The following ZNF280D variants were observed in gnomAD, a reference collection of about 807,000 sequenced individuals.
ZNF280D encodes suppressor of hairy wing homolog 4.
A neutral mutation model predicts 94.7 loss-of-function variants in ZNF280D; 39 were observed. The ratio of observed to expected loss-of-function variants is 0.41; its 90% CI spans 0.32 to 0.54. The LOEUF is 0.54. Ranked by LOEUF, ZNF280D falls within the 20% of genes least tolerant of loss-of-function variation. The pLI is 0.22. For missense variants in ZNF280D, 1,090 were observed against 1,149.3 expected (o/e 0.95, Z 0.75); for synonymous variants, 398 against 377.6 (o/e 1.05, Z -0.63).
At position 56,689,475 on chromosome 15, in the gene ZNF280D, A is replaced by G; in HGVS notation, c.500-5T>C. Reference sequence around the variant, plus strand: ...AAAATGAACTTTCACTCATACCTACAATAATTTAAATAGTGAGAAAAATAT... The same window carrying G: ...AAAATGAACTTTCACTCATACCTACGATAATTTAAATAGTGAGAAAAATAT... On this transcript the variant is annotated splice_region_variant and splice_polypyrimidine_tract_variant and intron_variant, in intron 7 of 21. Coordinates refer to ENST00000267807, the MANE Select transcript of ZNF280D (RefSeq NM_017661.4). 6.8e-7 allele frequency: 1 copy of G among 1,467,206 alleles called. No individual in the cohort carries two copies. Among genetic ancestry groups the G allele is most frequent in the Non-Finnish European group, 9.2e-7 (1 of 1,092,206 alleles). The allele number at this position is 1,467,206 out of a possible 1,614,324, so 90.9% of individuals were successfully genotyped here.
At chr15:56,658,309 A>C in intron 17 of ZNF280D, 115 bp downstream of exon 17, 2 of 730,132 alleles carry the variant, frequency 2.7e-6, no homozygotes, top group Non-Finnish European at 4.5e-6. Flanking sequence ...TAAAACCTAT[A>C]AACACATAAA....
At position 56,669,905 on chromosome 15, in the gene ZNF280D, ATATATATATT is replaced by A. The variant is rs2054623802; in HGVS notation, c.1411-958_1411-949del. On this transcript the variant is annotated intron_variant, in intron 13 of 21. Transcript: ENST00000267807. ...TATATATATTATATATATATATAAT[ATATATATATT>A]ATATATATATTATATATATATTATA... is the stretch of plus-strand genomic sequence containing the variant. Among the ~76,000 whole-genome samples, 3 of 6,254 alleles carry A rather than the reference ATATATATATT, an allele frequency of 4.8e-4. 1 individual carries two copies. The highest frequency in any genetic ancestry group is 1.3e-3 in the African/African-American group (3 of 2,306). The allele number at this position is 6,254 out of a possible 152,430, so 4.1% of individuals were successfully genotyped here.
chr15:56,665,232 G>A (rs1244525536), intron 16 of ZNF280D, among the ~76,000 whole-genome samples: 1 of 152,126 alleles, frequency 6.6e-6, no homozygotes, highest in South Asian at 2.1e-4. Context: ...GAGAAGTCAT[G>A]TGTAATCTGC....
chr15:56,677,393 C>T (rs2055303619), intron 12 of ZNF280D, among the ~76,000 whole-genome samples, 181 bp downstream of exon 12: 1 of 152,166 alleles, frequency 6.6e-6, no homozygotes, highest in Non-Finnish European at 1.5e-5. Context: ...TTGTCCAGTA[C>T]AGAGATAAGC....
In ZNF280D at chr15:56,666,845, T is replaced by C. The variant is rs1201838452; in HGVS notation, c.1687A>G (p.Ser563Gly). ...TAKNPAKSNT[S>G]KPNTVKSNAS... ...TTGGATTTGACTGTATTAGGTTTAC[T>C]TGTATTAGATTTTGCAGGATTTTTA... Residue 563 changes from serine (S) to glycine (G), a missense_variant, in exon 15 of 22, where the codon AGT (serine) becomes GGT (glycine). Physicochemically the swap from Ser to Gly is moderately conservative, Grantham distance 56 (BLOSUM62 0). This residue lies in a region of ZNF280D where 577 missense variants were observed against 568.8 expected (regional missense o/e 1.01). Coordinates refer to ENST00000267807, the MANE Select transcript of ZNF280D (RefSeq NM_017661.4). The C allele has an allele frequency of 1.2e-6, 2 of 1,613,956 alleles. No individual in the cohort carries two copies.
intron 10 of ZNF280D, among the ~76,000 whole-genome samples, chr15:56,680,700 C>A (rs2055559881): frequency 6.6e-6 from 1 of 150,410 alleles, no homozygotes; most frequent in African/African-American, 2.5e-5. Flanking sequence ...TGGTCTGGAA[C>A]TCCTTTGCTA....
chr15:56,667,611 T>C (rs763323287), intron 14 of ZNF280D, among the ~76,000 whole-genome samples: 44 of 152,154 alleles, frequency 2.9e-4, no homozygotes, highest in Non-Finnish European at 6.0e-4. Flanking sequence ...TGGTTGACAA[T>C]GAAAAACACA....
intron 9 of ZNF280D, among the ~76,000 whole-genome samples, chr15:56,682,982 T>C (rs2055736395): frequency 6.6e-6 from 1 of 152,084 alleles, no homozygotes; most frequent in African/African-American, 2.4e-5. Flanking sequence ...GTGGATAATC[T>C]TCTGTCCCAA....
At chr15:56,720,516 C>A (rs1238122912) in intron 1 of ZNF280D, among the ~76,000 whole-genome samples, 1 of 152,160 alleles carries the variant, frequency 6.6e-6, no homozygotes, top group African/African-American at 2.4e-5. Context: ...CTCCATCAAT[C>A]ACAAATGATC....
chr15:56,732,687 G>A (rs1293020459), intron 1 of ZNF280D: 4 of 151,936 alleles, frequency 2.6e-5, no homozygotes, highest in African/African-American at 9.7e-5. Flanking sequence ...TCACCTTGAC[G>A]TTTTTCCTCT....
At chr15:56,666,327 T>G in intron 16 of ZNF280D, 68 bp downstream of exon 16, 1 of 1,553,758 alleles carries the variant, frequency 6.4e-7, no homozygotes, top group Non-Finnish European at 8.7e-7. Flanking sequence ...AGGATAACTT[T>G]GTTTTTGAAA....
chr15:56,710,255 T>C (rs1021531875), intron 1 of ZNF280D, among the ~76,000 whole-genome samples: 1 of 151,930 alleles, frequency 6.6e-6, no homozygotes, highest in African/African-American at 2.4e-5. Context: ...AGTACAAAAA[T>C]TAGCTGGGCG....
chr15:56,642,102 T>C (rs376698995), intron 20 of ZNF280D, among the ~76,000 whole-genome samples: 22 of 151,806 alleles, frequency 1.4e-4, no homozygotes, highest in African/African-American at 4.8e-4. Flanking sequence ...GAGTTCAACA[T>C]ATTAGGTAAA....
In ZNF280D at chr15:56,651,603, G is replaced by T. The variant is rs918538647; in HGVS notation, c.2213+2595C>A. Among the ~76,000 whole-genome samples the T allele has an allele frequency of 1.2e-3, 180 of 152,156 alleles. 1 individual carries two copies. Among genetic ancestry groups the T allele is most frequent in the African/African-American group, 4.2e-3 (174 of 41,502 alleles). On this transcript the variant is annotated intron_variant, in intron 19 of 21. Coordinates refer to ENST00000267807, the MANE Select transcript of ZNF280D (RefSeq NM_017661.4). ...GTACAGTCATTCCCTGGTATTGGTA[G>T]GGGATTGGTTACAGAACCTGCCCCC... is the stretch of plus-strand genomic sequence containing the variant.
intron 1 of ZNF280D, among the ~76,000 whole-genome samples, chr15:56,728,300 A>C (rs772809537): frequency 2.6e-5 from 4 of 152,214 alleles, no homozygotes; most frequent in Admixed American, 6.5e-5. Context: ...GATTACAGGC[A>C]TAAGCCACCA....
At chr15:56,719,226 A>T (rs2058208688) in intron 1 of ZNF280D, among the ~76,000 whole-genome samples, 1 of 152,034 alleles carries the variant, frequency 6.6e-6, no homozygotes, top group African/African-American at 2.4e-5. Flanking sequence ...GGGTAATGAG[A>T]GGTGTTTGGG....
At chr15:56,720,016 G>A (rs2058266622) in intron 1 of ZNF280D, among the ~76,000 whole-genome samples, 2 of 151,946 alleles carry the variant, frequency 1.3e-5, no homozygotes, top group Non-Finnish European at 2.9e-5. Context: ...CTGGCTGAAG[G>A]TTGGGGTGGC....
chr15:56,700,774 C>T, intron 6 of ZNF280D, 159 bp downstream of exon 6: 1 of 1,522,916 alleles, frequency 6.6e-7, no homozygotes, highest in African/African-American at 1.4e-5. Flanking sequence ...TGGGGTACTG[C>T]TTGAGCTAGC....
At chr15:56,706,482 C>A (rs2057410255) in intron 3 of ZNF280D, among the ~76,000 whole-genome samples, 1 of 151,662 alleles carries the variant, frequency 6.6e-6, no homozygotes, top group Non-Finnish European at 1.5e-5. Context: ...TGTCTCAAAA[C>A]AAACTAACAA....
Sources: allele counts gnomAD v4.1 joint callset (sites outside exome capture counted in the v4.1 genomes callset), GRCh38; gene constraint gnomAD v4.1.1; regional missense constraint gnomAD v4.1.1; transcripts MANE v1.5; gene names NCBI Gene and HGNC (gene_info 2026-07-23, HGNC 2026-07-21).